The following PUM3 variants were observed in gnomAD, a reference collection of about 807,000 sequenced individuals.
The protein encoded by PUM3 is pumilio RNA binding family member 3.
In PUM3, 91 loss-of-function variants were observed where a neutral mutation model predicts 84.0. The observed-to-expected ratio is 1.08, with a 90% CI of 0.91 to 1.29. The LOEUF (loss-of-function observed/expected upper bound fraction) is 1.29. Ranked by LOEUF, PUM3 falls within the 50% of genes most tolerant of loss-of-function variation. The pLI, the probability that PUM3 is intolerant of heterozygous loss-of-function variation, is 0.00. For missense variants in PUM3, 1,067 were observed against 767.5 expected (o/e 1.39, Z -4.61); for synonymous variants, 321 against 266.7 (o/e 1.20, Z -1.98).
intron 12 of PUM3, among the ~76,000 whole-genome samples, chr9:2,821,328 C>T (rs201313148): frequency 6.6e-6 from 1 of 151,042 alleles, no homozygotes; most frequent in Admixed American, 6.6e-5. Flanking sequence ...CCTGTAGTCC[C>T]AGCTACTCAG....
intron 1 of PUM3, among the ~76,000 whole-genome samples, chr9:2,843,818 T>C (rs1816332945): frequency 6.6e-6 from 1 of 151,796 alleles, no homozygotes; most frequent in Admixed American, 6.6e-5. Context: ...GACCTTGTGA[T>C]CCGCCCGCCT....
chr9:2,831,894 A>C (rs1015151799), intron 5 of PUM3, among the ~76,000 whole-genome samples: 4 of 152,206 alleles, frequency 2.6e-5, no homozygotes, highest in African/African-American at 9.6e-5. Flanking sequence ...TAATTCCTGC[A>C]CATATATCCA....
chr9:2,836,373 C>T (rs931126164), intron 3 of PUM3, among the ~76,000 whole-genome samples: 5 of 152,188 alleles, frequency 3.3e-5, no homozygotes, highest in Admixed American at 1.3e-4. Context: ...TGACAATCCA[C>T]ATAACCTGGA....
chr9:2,834,547 T>C (rs908900366), intron 3 of PUM3, among the ~76,000 whole-genome samples: 1 of 152,188 alleles, frequency 6.6e-6, no homozygotes, highest in East Asian at 1.9e-4. Context: ...TTAGTCCAAA[T>C]GAAAACAAGA....
At chr9:2,810,260 A>C in intron 16 of PUM3, 84 bp downstream of exon 16, 2 of 869,034 alleles carry the variant, frequency 2.3e-6, no homozygotes, top group Non-Finnish European at 3.8e-6. Context: ...TTTGAGCTTA[A>C]ATGGCTGGTA....
At chr9:2,831,921 AGTT>A (rs2129865935) in intron 5 of PUM3, among the ~76,000 whole-genome samples, 1 of 152,284 alleles carries the variant, frequency 6.6e-6, no homozygotes, top group South Asian at 2.1e-4. Context: ...TTTCTAGAAG[AGTT>A]GTTGTGTTTT....
chr9:2,835,861 C>A (rs1182334258), intron 3 of PUM3, among the ~76,000 whole-genome samples: 2 of 152,000 alleles, frequency 1.3e-5, no homozygotes, highest in African/African-American at 2.4e-5. Context: ...ACATATCTCC[C>A]ATAGCAAAAG....
rs1241446029 is a variant in PUM3, at chr9:2,811,448, T to C, written c.1548A>G (p.Gly516=). 6.2e-7 allele frequency: 1 copy of C among 1,614,174 alleles called. No individual in the cohort carries two copies. The highest frequency in any genetic ancestry group is 1.1e-5 in the South Asian group (1 of 91,090). The change falls in exon 15 of 18, where the codon GGA becomes GGG. Residue 516 remains glycine, a synonymous_variant. Coordinates refer to ENST00000397885, the MANE Select transcript of PUM3 (RefSeq NM_014878.5). ...SACVLVSDIL[G]SATGDVQPTM... is the part of the protein sequence containing the mutation. ...TAGGCTGAACGTCTCCAGTGGCAGA[T>C]CCCAGAATGTCAGACACCAACACAC...
rs905016163 is a variant in PUM3, at chr9:2,844,080, T to C, written c.-46A>G. 1.2e-5 allele frequency: 2 copies of C among 160,260 alleles called. No homozygotes were observed. The highest frequency in any genetic ancestry group is 1.9e-4 in the East Asian group (1 of 5,192). The allele number at this position is 160,260 out of a possible 1,614,324, so 9.9% of individuals were successfully genotyped here. On this transcript the variant is annotated 5_prime_UTR_variant, in exon 1 of 18. Transcript: ENST00000397885. ...GGACCGAGACAGCTCGCGCAGCGGATCCCGACCGCCTCTCCGCTTCCGCTT... is the reference window on the plus strand; with the variant it reads ...GGACCGAGACAGCTCGCGCAGCGGACCCCGACCGCCTCTCCGCTTCCGCTT...
intron 3 of PUM3, among the ~76,000 whole-genome samples, chr9:2,835,756 C>G (rs1816104517): frequency 6.6e-6 from 1 of 152,084 alleles, no homozygotes; most frequent in Non-Finnish European, 1.5e-5. Flanking sequence ...TGGGGGTTGT[C>G]TAGTAACCAA....
In PUM3 at chr9:2,816,396, G is replaced by A. The variant is rs143585699; in HGVS notation, c.1269+3622C>T. ...CTGGAAGGTCTAGTTTAGTGGGTACGCTGCTTCATTCAGTTTTGCAAAATA... is the reference window on the plus strand; with the variant it reads ...CTGGAAGGTCTAGTTTAGTGGGTACACTGCTTCATTCAGTTTTGCAAAATA... On this transcript the variant is annotated intron_variant, in intron 13 of 17. Transcript: ENST00000397885. Among the ~76,000 whole-genome samples the A allele has an allele frequency of 9.7e-3, 1,479 of 152,272 alleles. 32 individuals carry two copies. The highest frequency in any genetic ancestry group is 0.034 in the African/African-American group (1,413 of 41,544).
At position 2,819,920 on chromosome 9, in the gene PUM3, A is replaced by G. The variant is rs1821552020; in HGVS notation, c.1269+98T>C. On this transcript the variant is annotated intron_variant, in intron 13 of 17. Transcript: ENST00000397885. ...AAGCAAAAATACTGATAGAAGGCACAGCTGCAAGTCTTTACACATGCATGG... is the reference window on the plus strand; with the variant it reads ...AAGCAAAAATACTGATAGAAGGCACGGCTGCAAGTCTTTACACATGCATGG... 3 of 678,218 alleles carry G rather than the reference A, an allele frequency of 4.4e-6. No individual in the cohort carries two copies. In the East Asian group the frequency reaches 7.9e-5, roughly 18 times the overall value. The allele number at this position is 678,218 out of a possible 1,614,324, so 42.0% of individuals were successfully genotyped here.
In PUM3 at chr9:2,827,033, C is replaced by T. The variant is rs530650714; in HGVS notation, c.1035+40G>A. ...TTTTTCAAATTTCTACACCGCTCCT[C>T]CTCCATGTTTTAGTTTAAAAACAAA... On this transcript the variant is annotated intron_variant, in intron 10 of 17. Coordinates refer to ENST00000397885, the MANE Select transcript of PUM3 (RefSeq NM_014878.5). 56 of 1,511,664 alleles carry T rather than the reference C, an allele frequency of 3.7e-5. 1 individual carries two copies. The South Asian group carries it at 5.8e-4, about 16-fold the overall frequency. The allele number at this position is 1,511,664 out of a possible 1,614,324, so 93.6% of individuals were successfully genotyped here. A position where few individuals can be genotyped will look rare whatever the true frequency, so the allele number is the denominator to read the frequency against.
intron 10 of PUM3, among the ~76,000 whole-genome samples, chr9:2,826,776 T>G (rs377346792): frequency 6.6e-6 from 1 of 152,156 alleles, no homozygotes; most frequent in African/African-American, 2.4e-5. Flanking sequence ...GCTTGAATAT[T>G]CCTCCACGAG....
At position 2,837,340 on chromosome 9, in the gene PUM3, G is replaced by A. The variant is rs775456289; in HGVS notation, c.144C>T (p.Val48=). ...TACTTTTCTCAAAGTTCCTAGATGT[G>A]ACTTTAGGTCCACCTTCTTTAGCAA... The part of the protein sequence containing the change: ...RKVAKEGGPK[V]TSRNFEKSIT... The change falls in exon 3 of 18, where the codon GTC becomes GTT. Residue 48 remains valine (V), a synonymous_variant. Coordinates refer to ENST00000397885, the MANE Select transcript of PUM3 (RefSeq NM_014878.5). 3 of 1,613,754 alleles carry A rather than the reference G, an allele frequency of 1.9e-6. No homozygotes were observed. The highest frequency in any genetic ancestry group is 1.3e-5 in the African/African-American group (1 of 74,894).
chr9:2,831,519 GT>G (rs1815980098), intron 5 of PUM3, among the ~76,000 whole-genome samples, 175 bp from the exon 6 acceptor site: 1 of 152,074 alleles, frequency 6.6e-6, no homozygotes, highest in Admixed American at 6.6e-5. Context: ...TCATTCTGTT[GT>G]TTTGAGGCCT....
chr9:2,837,761 G>A (rs544483378), intron 2 of PUM3, among the ~76,000 whole-genome samples: 50 of 152,176 alleles, frequency 3.3e-4, no homozygotes, highest in Admixed American at 9.8e-4. Flanking sequence ...GGTCTACACA[G>A]AATTTTCAAG....
intron 9 of PUM3, among the ~76,000 whole-genome samples, chr9:2,827,907 G>C (rs1815866396): frequency 6.6e-6 from 1 of 152,214 alleles, no homozygotes; most frequent in African/African-American, 2.4e-5. Flanking sequence ...GTTAGTAATA[G>C]TTGGGGGAGT....
chr9:2,836,705 T>C (rs1816130460), intron 3 of PUM3, among the ~76,000 whole-genome samples: 1 of 152,170 alleles, frequency 6.6e-6, no homozygotes, highest in Non-Finnish European at 1.5e-5. Flanking sequence ...CACCAAAGCA[T>C]CCTTAACCAA....
Sources: gnomAD v4.1 joint callset for allele counts (sites outside exome capture counted in the v4.1 genomes callset) on GRCh38, gnomAD v4.1.1 for gene constraint, MANE v1.5 for transcripts, NCBI Gene and HGNC (gene_info 2026-07-23, HGNC 2026-07-21) for gene names.